Variants in KCNQ1 observed in about 807,000 individuals in gnomAD.
KCNQ1 encodes the protein potassium voltage-gated channel subfamily KQT member 1.
In KCNQ1, 49 loss-of-function variants were observed where a neutral mutation model predicts 72.4. That is an observed-to-expected ratio of 0.68 (90% CI 0.54 to 0.86). The LOEUF (loss-of-function observed/expected upper bound fraction) is 0.86, where lower values mean the gene tolerates loss of function less well. KCNQ1 is among the 40% of genes least tolerant of loss of function. The pLI is 0.00. For synonymous variants in KCNQ1, 450 were observed against 412.6 expected, an observed-to-expected ratio of 1.09 and a Z score of -1.10; for missense variants, 790 against 945.1, an observed-to-expected ratio of 0.84 and a Z score of 2.15.
intron 1 of KCNQ1, among the ~76,000 whole-genome samples, chr11:2,472,428 GTA>G (rs1846499375): frequency 6.6e-6 from 1 of 152,110 alleles, no homozygotes; most frequent in Non-Finnish European, 1.5e-5. Flanking sequence ...GTGTGTGTGT[GTA>G]TGCATGTGTG....
chr11:2,654,147 A>G lies in KCNQ1; in HGVS notation c.1394-7814A>G, dbSNP rs1423476522. 7.5e-6 allele frequency: 3 copies of G among 398,326 alleles called. No homozygotes were observed. Among genetic ancestry groups the G allele is most frequent in the Non-Finnish European group, 1.3e-5 (3 of 225,986 alleles). 24.7% of individuals were successfully genotyped at this position (398,326 alleles called of 1,614,324 possible). ...GCGGGGCCACTCTGGCTCAGGGTCTATGAGCCGGGCATGGGCAGCTGGCAC... is the reference window on the plus strand; with the variant it reads ...GCGGGGCCACTCTGGCTCAGGGTCTGTGAGCCGGGCATGGGCAGCTGGCAC... On this transcript the variant is annotated intron_variant, in intron 10 of 15. Coordinates refer to ENST00000155840, the MANE Select transcript of KCNQ1 (RefSeq NM_000218.3). The surrounding 1 kb of genome is among the most constrained non-coding windows in gnomAD (Gnocchi z 6.4).
At position 2,450,750 on chromosome 11, in the gene KCNQ1, C is replaced by T. The variant is rs950714730; in HGVS notation, c.386+5266C>T. ...AATTATCGTGGTTGACAAAGGGAGG[C>T]GGCTGGTGTCTCTGGTACTGGCTGG... On this transcript the variant is annotated intron_variant, in intron 1 of 15. Transcript: ENST00000155840. This position sits in a 1 kb window ranked among gnomAD's most constrained non-coding sequence, Gnocchi z 7.9. 3.3e-5 allele frequency among the ~76,000 whole-genome samples: 5 copies of T among 152,126 alleles called. No individual in the cohort carries two copies. Among genetic ancestry groups the T allele is most frequent in the Admixed American group, 2.6e-4 (4 of 15,288 alleles).
rs559467359 is a variant in KCNQ1 at position 2,453,244 on chromosome 11, A to C, written c.386+7760A>C. 1.2e-4 allele frequency among the ~76,000 whole-genome samples: 18 copies of C among 152,284 alleles called. No individual in the cohort carries two copies. The South Asian group carries it at 2.9e-3, about 25-fold the overall frequency. On this transcript the variant is annotated intron_variant, in intron 1 of 15. Transcript: ENST00000155840. ...CAGAATTAGCCGGGCGTGGTGGTGC[A>C]TGCCTGTAATCCCAGCTACTTGGGA... is the stretch of plus-strand genomic sequence containing the variant.
rs540371489 is a variant in KCNQ1, at chr11:2,644,952, G to A, written c.1394-17009G>A. The stretch of plus-strand genomic sequence containing the variant: ...CCCAGTGGCAGCAGTGGCTGGCCCC[G>A]AATGCTTATCCTTGGGCCCAATGGT... On this transcript the variant is annotated intron_variant, in intron 10 of 15. Transcript: ENST00000155840. The A allele has an allele frequency of 1.8e-4, 73 of 398,642 alleles. No individual in the cohort carries two copies. The highest frequency in any genetic ancestry group is 1.1e-3 in the African/African-American group (56 of 48,740). The allele number at this position is 398,642 out of a possible 1,614,324, so 24.7% of individuals were successfully genotyped here. A position where few individuals can be genotyped will look rare whatever the true frequency, so the allele number is the denominator to read the frequency against.
intron 1 of KCNQ1, among the ~76,000 whole-genome samples, chr11:2,518,917 C>T (rs989630852): frequency 6.6e-6 from 1 of 152,190 alleles, no homozygotes; most frequent in Non-Finnish European, 1.5e-5. Context: ...GTCCATTCAC[C>T]CGGAGCTGGA....
chr11:2,692,997 TAAGC>T (rs1850613572), intron 11 of KCNQ1: 2 of 398,434 alleles, frequency 5.0e-6, no homozygotes. Flanking sequence ...AGAAGCCTCA[TAAGC>T]AAGCACGCTC....
At position 2,567,066 on chromosome 11, in the gene KCNQ1, G is replaced by A. The variant is rs1308040649; in HGVS notation, c.478-3562G>A. 2.0e-5 allele frequency among the ~76,000 whole-genome samples: 3 copies of A among 152,012 alleles called. No homozygotes were observed. Among genetic ancestry groups the A allele is most frequent in the Non-Finnish European group, 4.4e-5 (3 of 67,964 alleles). The stretch of plus-strand genomic sequence containing the variant: ...GGAATGGGGGGCACCTGGGGCCCAC[G>A]GGAGGCTCTGGGGGAGACTGGGCGG... On this transcript the variant is annotated intron_variant, in intron 2 of 15. Transcript: ENST00000155840. This position sits in a 1 kb window ranked among gnomAD's most constrained non-coding sequence, Gnocchi z 6.6.
rs180912779 is a variant in KCNQ1, at chr11:2,486,391, A to G, written c.386+40907A>G. 2.0e-4 allele frequency among the ~76,000 whole-genome samples: 31 copies of G among 152,214 alleles called. No individual in the cohort carries two copies. The highest frequency in any genetic ancestry group is 2.0e-3 in the Admixed American group (31 of 15,292). On this transcript the variant is annotated intron_variant, in intron 1 of 15. Transcript: ENST00000155840. This position sits in a 1 kb window ranked among gnomAD's most constrained non-coding sequence, Gnocchi z 5.0. ...TTTAGAACTTCTCTATATATTCTGG[A>G]TATTAATCCCTTATCAGATATAGGA...
Position 2,776,986 on chromosome 11 carries a change from G to T in KCNQ1, c.1686G>T (p.Arg562Ser), listed in dbSNP as rs794728535. The change falls in exon 14 of 16, where the codon AGG becomes AGT. Residue 562 changes from arginine (R) to serine (S), a missense_variant and splice_region_variant. Physicochemically the swap from Arg to Ser is moderately radical, Grantham distance 110. Coordinates refer to ENST00000155840, the MANE Select transcript of KCNQ1 (RefSeq NM_000218.3). ...CTGGTGTCTGTGTCCTTCTCTCCAG[G>T]CTGGACCAGTCCATTGGGAAGCCCT... ...LMVRIKELQR[R>S]LDQSIGKPSL... 1.2e-6 allele frequency: 2 copies of T among 1,613,964 alleles called. No homozygotes were observed. The highest frequency in any genetic ancestry group is 2.2e-5 in the South Asian group (2 of 91,070).
At position 2,508,086 on chromosome 11, in the gene KCNQ1, A is replaced by G; in HGVS notation, c.387-19842A>G. 6.6e-6 allele frequency among the ~76,000 whole-genome samples: 1 copy of G among 152,124 alleles called. No individual in the cohort carries two copies. ...ACACAAACACCCAGCTCGGCCCCACAGAGCTGGCCTGGGCCCCAGCAGGGG... is the reference window on the plus strand; with the variant it reads ...ACACAAACACCCAGCTCGGCCCCACGGAGCTGGCCTGGGCCCCAGCAGGGG... On this transcript the variant is annotated intron_variant, in intron 1 of 15. Transcript: ENST00000155840. This position sits in a 1 kb window ranked among gnomAD's most constrained non-coding sequence, Gnocchi z 6.2.
intron 1 of KCNQ1, among the ~76,000 whole-genome samples, chr11:2,523,843 C>G (rs2283153): frequency 0.62 from 93,765 of 150,214 alleles, 29,606 homozygotes; most frequent in Non-Finnish European, 0.66. Flanking sequence ...CCATGGCCCC[C>G]TTCCCTCCTC....
At position 2,564,614 on chromosome 11, in the gene KCNQ1, A is replaced by G. The variant is rs1848220226; in HGVS notation, c.478-6014A>G. On this transcript the variant is annotated intron_variant, in intron 2 of 15. Transcript: ENST00000155840. This position sits in a 1 kb window ranked among gnomAD's most constrained non-coding sequence, Gnocchi z 4.5. ...TATCTCAAAATAAAATAAAATGGAA[A>G]TATGTTTTACCATCTTAACCCTTTT... 1.3e-5 allele frequency among the ~76,000 whole-genome samples: 2 copies of G among 152,280 alleles called. No individual in the cohort carries two copies. The highest frequency in any genetic ancestry group is 6.8e-3 in the Middle Eastern group (2 of 294).
rs1397239658 is a variant in KCNQ1, at chr11:2,599,634, G to T, written c.1393+10780G>T. On this transcript the variant is annotated intron_variant, in intron 10 of 15. Coordinates refer to ENST00000155840, the MANE Select transcript of KCNQ1 (RefSeq NM_000218.3). The surrounding 1 kb of genome is among the most constrained non-coding windows in gnomAD (Gnocchi z 4.7). ...TTTCTCACAATTCTGGAGGATAGAA[G>T]TCTGAGATCAAGGTGTCAGCAAGGC... is the stretch of plus-strand genomic sequence containing the variant. Among the ~76,000 whole-genome samples, 1 of 152,238 alleles carries T rather than the reference G, an allele frequency of 6.6e-6. No individual in the cohort carries two copies. Among genetic ancestry groups the T allele is most frequent in the Non-Finnish European group, 1.5e-5 (1 of 68,046 alleles).
chr11:2,683,966 T>TTC lies in KCNQ1; in HGVS notation c.1514+21886_1514+21887insCT, dbSNP rs927164599. On this transcript the variant is annotated intron_variant, in intron 11 of 15. Coordinates refer to ENST00000155840, the MANE Select transcript of KCNQ1 (RefSeq NM_000218.3). The surrounding 1 kb of genome is among the most constrained non-coding windows in gnomAD (Gnocchi z 4.7). ...AACCAGCTGACTGCTTTTACTTTTT[T>TTC]TTTTTTTTCATTTAGAAGAATTTCC... 1.3e-4 allele frequency: 52 copies of TTC among 398,396 alleles called. No individual in the cohort carries two copies. Among genetic ancestry groups the TTC allele is most frequent in the Middle Eastern group, 6.2e-4 (1 of 1,610 alleles). The allele number at this position is 398,396 out of a possible 1,614,324, so 24.7% of individuals were successfully genotyped here. A position where few individuals can be genotyped will look rare whatever the true frequency, so the allele number is the denominator to read the frequency against.
intron 1 of KCNQ1, among the ~76,000 whole-genome samples, chr11:2,466,611 A>G (rs1206261132): frequency 6.6e-6 from 1 of 152,154 alleles, no homozygotes; most frequent in African/African-American, 2.4e-5. Flanking sequence ...CCGGGGGCAC[A>G]GCCATCAGCA....
chr11:2,466,332 G>C (rs1286864013), intron 1 of KCNQ1, among the ~76,000 whole-genome samples: 1 of 152,180 alleles, frequency 6.6e-6, no homozygotes, highest in Non-Finnish European at 1.5e-5. Flanking sequence ...TCCTGGCTGG[G>C]ACTTCCCCTC....
chr11:2,520,101 G>T (rs1847356271), intron 1 of KCNQ1, among the ~76,000 whole-genome samples: 1 of 152,262 alleles, frequency 6.6e-6, no homozygotes. Context: ...CAGGACCATG[G>T]CACCAAGTGG....
Position 2,450,106 on chromosome 11 carries a change from C to T in KCNQ1, c.386+4622C>T, listed in dbSNP as rs768564949. Among the ~76,000 whole-genome samples, 11 of 152,194 alleles carry T rather than the reference C, an allele frequency of 7.2e-5. No individual in the cohort carries two copies. Among genetic ancestry groups the T allele is most frequent in the African/African-American group, 1.4e-4 (6 of 41,444 alleles). On this transcript the variant is annotated intron_variant, in intron 1 of 15. Coordinates refer to ENST00000155840, the MANE Select transcript of KCNQ1 (RefSeq NM_000218.3). This position sits in a 1 kb window ranked among gnomAD's most constrained non-coding sequence, Gnocchi z 7.9. ...CCACCCGCCTTGTCTGGGAGGTGGA[C>T]GAGCCCTCCGTAGCCCTGACATTCC...
rs1209059572 is a variant in KCNQ1, at chr11:2,543,166, C to T, written c.477+15148C>T. 6.6e-6 allele frequency among the ~76,000 whole-genome samples: 1 copy of T among 152,196 alleles called. No homozygotes were observed. The highest frequency in any genetic ancestry group is 2.4e-5 in the African/African-American group (1 of 41,454). On this transcript the variant is annotated intron_variant, in intron 2 of 15. Transcript: ENST00000155840. This position sits in a 1 kb window ranked among gnomAD's most constrained non-coding sequence, Gnocchi z 5.6. ...ATGTTTCACCCATTGTAAAATTGGGCTGTTTGTCATCTGAGTTGTAAAAGT... is the reference window on the plus strand; with the variant it reads ...ATGTTTCACCCATTGTAAAATTGGGTTGTTTGTCATCTGAGTTGTAAAAGT...
Sources: allele counts gnomAD v4.1 joint callset (sites outside exome capture counted in the v4.1 genomes callset), GRCh38; gene constraint gnomAD v4.1.1; non-coding constraint Gnocchi (gnomAD v3.1); transcripts MANE v1.5; gene names NCBI Gene and HGNC (gene_info 2026-07-23, HGNC 2026-07-21).